The following ROBO2 variants were observed in gnomAD, a reference collection of about 807,000 sequenced individuals.
ROBO2 encodes roundabout guidance receptor 2.
Under a neutral mutation model 160.8 loss-of-function variants are expected in ROBO2, and 53 were observed. The observed-to-expected ratio is 0.33, with a 90% CI of 0.26 to 0.41. The LOEUF (loss-of-function observed/expected upper bound fraction) is 0.41. Among genes scored for constraint, ROBO2 ranks in the 10% least tolerant of loss-of-function variants. The pLI is 1.00. For synonymous variants in ROBO2, 664 were observed against 611.7 expected, an observed-to-expected ratio of 1.09 and a Z score of -1.26; for missense variants, 1,577 against 1,722.4, an observed-to-expected ratio of 0.92 and a Z score of 1.49.
At chr3:77,137,296 G>C (rs925873497) in intron 2 of ROBO2, among the ~76,000 whole-genome samples, 3 of 151,588 alleles carry the variant, frequency 2.0e-5, no homozygotes, top group African/African-American at 7.3e-5. Context: ...GTGTGATCTC[G>C]GCTCACTGCA....
intron 2 of ROBO2, among the ~76,000 whole-genome samples, chr3:77,251,157 C>T (rs2090303121): frequency 6.6e-6 from 1 of 152,114 alleles, no homozygotes; most frequent in Admixed American, 6.5e-5. Flanking sequence ...AAGTCTCTGC[C>T]TGGGCCCCCA....
chr3:77,246,327 A>ATGTGTG (rs71104664), intron 2 of ROBO2, among the ~76,000 whole-genome samples: 6,440 of 145,752 alleles, frequency 0.044, 354 homozygotes, highest in East Asian at 0.29. Flanking sequence ...GTGTATGTGT[A>ATGTGTG]TGTGTGTGTG....
At chr3:77,300,183 A>G (rs1289364069) in intron 2 of ROBO2, among the ~76,000 whole-genome samples, 1 of 143,306 alleles carries the variant, frequency 7.0e-6, no homozygotes, top group Non-Finnish European at 1.5e-5. Flanking sequence ...AGGGAAATGA[A>G]TTTTTTTTTT....
chr3:77,252,831 A>AAAAAAAAAAAAAAATAT, intron 2 of ROBO2, among the ~76,000 whole-genome samples: 1 of 12,522 alleles, frequency 8.0e-5, no homozygotes, highest in African/African-American at 1.6e-4. Context: ...AAAAAAAAAA[A>AAAAAAAAAAAAAAATAT]ATATATATAT....
intron 2 of ROBO2, among the ~76,000 whole-genome samples, chr3:75,996,177 T>C (rs991098319): frequency 2.0e-4 from 30 of 152,184 alleles, no homozygotes; most frequent in African/African-American, 7.2e-4. Context: ...AGGGGCAGAA[T>C]GATATGGTTT....
chr3:77,530,413 T>A (rs2091591977), intron 6 of ROBO2, among the ~76,000 whole-genome samples: 1 of 151,928 alleles, frequency 6.6e-6, no homozygotes, highest in Non-Finnish European at 1.5e-5. Context: ...CTGAGAATTT[T>A]GTCTAAATGG....
At chr3:76,981,538 A>G (rs2060097731) in intron 2 of ROBO2, among the ~76,000 whole-genome samples, 1 of 152,134 alleles carries the variant, frequency 6.6e-6, no homozygotes, top group South Asian at 2.1e-4. Context: ...GAGTTAAAAT[A>G]TTTCTTTGTA....
intron 2 of ROBO2, among the ~76,000 whole-genome samples, chr3:77,278,848 CA>C: frequency 6.6e-6 from 1 of 152,066 alleles, no homozygotes; most frequent in African/African-American, 2.4e-5. Context: ...AAAAGACAAA[CA>C]AAAATATGAC....
At chr3:77,284,292 A>G (rs1012602127) in intron 2 of ROBO2, among the ~76,000 whole-genome samples, 8 of 152,248 alleles carry the variant, frequency 5.3e-5, no homozygotes, top group South Asian at 4.1e-4. Flanking sequence ...GTGCTAGCAC[A>G]TGTTATAACC....
At chr3:76,795,002 A>C (rs528300357) in intron 2 of ROBO2, among the ~76,000 whole-genome samples, 104 of 152,102 alleles carry the variant, frequency 6.8e-4, no homozygotes, top group Admixed American at 1.4e-3. Flanking sequence ...CAATAAAGGA[A>C]GTGACAATAA....
At chr3:77,258,088 T>C (rs2058536982) in intron 2 of ROBO2, among the ~76,000 whole-genome samples, 1 of 152,240 alleles carries the variant, frequency 6.6e-6, no homozygotes, top group Admixed American at 6.5e-5. Context: ...TCCTTGTGAA[T>C]GAAAATACAG....
chr3:76,988,272 G>C (rs775605935), intron 2 of ROBO2, among the ~76,000 whole-genome samples: 67 of 152,280 alleles, frequency 4.4e-4, no homozygotes, highest in Admixed American at 3.9e-4. Flanking sequence ...TGGTTAACCT[G>C]ATTAGAAAGA....
chr3:76,436,447 C>T (rs2076687392), intron 2 of ROBO2, among the ~76,000 whole-genome samples: 1 of 152,172 alleles, frequency 6.6e-6, no homozygotes. Flanking sequence ...CTAAAATCTC[C>T]ACTGCAGGCT....
intron 2 of ROBO2, among the ~76,000 whole-genome samples, chr3:76,404,322 G>A (rs1163541499): frequency 1.3e-5 from 2 of 151,766 alleles, no homozygotes; most frequent in African/African-American, 4.8e-5. Flanking sequence ...TATGTTATAT[G>A]TATGAAAGTA....
chr3:76,938,215 G>A lies in ROBO2; in HGVS notation c.110-159799G>A, dbSNP rs145322402. Among the ~76,000 whole-genome samples, 845 of 152,234 alleles carry A rather than the reference G, an allele frequency of 5.6e-3. 9 individuals carry two copies. Among genetic ancestry groups the A allele is most frequent in the African/African-American group, 0.019 (780 of 41,538 alleles). Reference sequence around the variant, plus strand: ...TACTGAAAATACAAAATTTAGCTGAGTGAGGTGGTGTCACCTGTAGTCCCA... The same window carrying A: ...TACTGAAAATACAAAATTTAGCTGAATGAGGTGGTGTCACCTGTAGTCCCA... On this transcript the variant is annotated intron_variant, in intron 2 of 26. Transcript: ENST00000487694.
intron 2 of ROBO2, among the ~76,000 whole-genome samples, chr3:76,008,867 G>T (rs1350192460): frequency 6.6e-6 from 1 of 152,080 alleles, no homozygotes; most frequent in East Asian, 1.9e-4. Context: ...CAGAAATGAA[G>T]ACCCAAAGAA....
chr3:76,458,662 A>G (rs567758919), intron 2 of ROBO2, among the ~76,000 whole-genome samples: 1 of 152,282 alleles, frequency 6.6e-6, no homozygotes, highest in East Asian at 1.9e-4. Flanking sequence ...CATATCCAAG[A>G]CTGAGAAGAA....
chr3:77,126,712 AT>A (rs1278481390), intron 2 of ROBO2, among the ~76,000 whole-genome samples: 2 of 127,612 alleles, frequency 1.6e-5, no homozygotes, highest in East Asian at 2.1e-4. Flanking sequence ...ATATATATAT[AT>A]TTTTTTTCCT....
chr3:75,998,590 A>T (rs2107549484), intron 2 of ROBO2, among the ~76,000 whole-genome samples: 1 of 152,332 alleles, frequency 6.6e-6, no homozygotes, highest in East Asian at 1.9e-4. Context: ...TATATGTTTA[A>T]TTTTGTTATA....
Sources: gnomAD v4.1 joint callset for allele counts (sites outside exome capture counted in the v4.1 genomes callset) on GRCh38, gnomAD v4.1.1 for gene constraint, MANE v1.5 for transcripts, NCBI Gene and HGNC (gene_info 2026-07-23, HGNC 2026-07-21) for gene names.